Variants in HERC4 observed in about 807,000 individuals in gnomAD.
HERC4 encodes HECT and RLD domain containing E3 ubiquitin protein ligase 4, also known as probable E3 ubiquitin-protein ligase HERC4.
HERC4 carries 28 observed loss-of-function variants against 124.3 expected under a neutral mutation model. The observed-to-expected ratio is 0.23, with a 90% CI of 0.17 to 0.31. The LOEUF (loss-of-function observed/expected upper bound fraction) is 0.31. Ranked by LOEUF, HERC4 falls within the 10% of genes least tolerant of loss-of-function variation. The pLI, the probability that HERC4 is intolerant of heterozygous loss-of-function variation, is 1.00. For missense variants in HERC4, 713 were observed against 1,229.3 expected (o/e 0.58, Z 6.28); for synonymous variants, 407 against 421.5 (o/e 0.97, Z 0.42).
chr10:67,979,754 G>A (rs2035814499), intron 15 of HERC4, among the ~76,000 whole-genome samples: 1 of 152,100 alleles, frequency 6.6e-6, no homozygotes, highest in African/African-American at 2.4e-5. Context: ...AGCTAACACG[G>A]TGAAACCTCG....
rs190980455 is a variant in HERC4, at chr10:67,950,527, C to G, written c.2337+4068G>C. ...CTGACCTCAGGTGATCCAACCACCT[C>G]GGCCTCCCAAAGTGCTGGGATTACA... is the stretch of plus-strand genomic sequence containing the variant. On this transcript the variant is annotated intron_variant, in intron 19 of 24. Coordinates refer to ENST00000373700, the MANE Select transcript of HERC4 (RefSeq NM_015601.4). 1.7e-4 allele frequency among the ~76,000 whole-genome samples: 26 copies of G among 152,176 alleles called. 1 individual carries two copies. The highest frequency in any genetic ancestry group is 2.2e-4 in the Non-Finnish European group (15 of 68,000).
intron 15 of HERC4, among the ~76,000 whole-genome samples, chr10:67,976,317 A>G (rs924337148): frequency 7.9e-5 from 12 of 152,174 alleles, no homozygotes; most frequent in African/African-American, 2.9e-4. Flanking sequence ...CCTCTCCAAT[A>G]TTTATGTTTA....
At chr10:68,006,083 C>T (rs1272581943) in intron 9 of HERC4, among the ~76,000 whole-genome samples, 1 of 152,002 alleles carries the variant, frequency 6.6e-6, no homozygotes, top group Non-Finnish European at 1.5e-5. Context: ...TCATCTTTTC[C>T]CCTGCTCTTT....
Position 68,015,959 on chromosome 10 carries a change from T to C in HERC4, c.909-1773A>G, listed in dbSNP as rs375767131. ...CTCTATTAAAAATACAAAAATTAGC[T>C]GGGCACGGTGGCATGCGCCTGTAGT... On this transcript the variant is annotated intron_variant, in intron 8 of 24. Transcript: ENST00000373700. 1.2e-4 allele frequency among the ~76,000 whole-genome samples: 19 copies of C among 152,092 alleles called. No homozygotes were observed. The East Asian group carries it at 3.3e-3, about 26-fold the overall frequency.
In HERC4 at chr10:67,987,729, G is replaced by A. The variant is rs372873445; in HGVS notation, c.1806+934C>T. On this transcript the variant is annotated intron_variant, in intron 15 of 24. Coordinates refer to ENST00000373700, the MANE Select transcript of HERC4 (RefSeq NM_015601.4). Reference sequence around the variant, plus strand: ...TACTAAATACCAAAGAAAAAAGTAAGTCCAGAAAGTTAAGTAGTTGAGAAA... The same window carrying A: ...TACTAAATACCAAAGAAAAAAGTAAATCCAGAAAGTTAAGTAGTTGAGAAA... 1.1e-4 allele frequency among the ~76,000 whole-genome samples: 17 copies of A among 152,164 alleles called. No homozygotes were observed. The South Asian group carries it at 3.3e-3, about 30-fold the overall frequency.
intron 4 of HERC4, chr10:68,039,403 T>C: frequency 6.5e-7 from 1 of 1,549,442 alleles, no homozygotes; most frequent in Non-Finnish European, 8.7e-7. Flanking sequence ...CTTTACCTGA[T>C]ACTGTCACCT....
intron 16 of HERC4, among the ~76,000 whole-genome samples, chr10:67,963,741 G>A (rs2034674824): frequency 6.6e-6 from 1 of 152,192 alleles, no homozygotes; most frequent in Non-Finnish European, 1.5e-5. Flanking sequence ...GTTGGTGTGT[G>A]AGGGTTTATA....
intron 9 of HERC4, among the ~76,000 whole-genome samples, chr10:67,999,026 T>TG (rs1294314533): frequency 1.3e-5 from 2 of 152,190 alleles, no homozygotes; most frequent in African/African-American, 2.4e-5. Context: ...CCACTGTGCC[T>TG]GGCTCCCATG....
chr10:67,938,373 G>A (rs1177319448), intron 21 of HERC4, among the ~76,000 whole-genome samples: 3 of 149,850 alleles, frequency 2.0e-5, no homozygotes, highest in East Asian at 2.0e-4. Context: ...CCTGGGAGGC[G>A]GAGGTTGCAA....
At chr10:68,069,748 T>A in intron 3 of HERC4, 1 of 985,512 alleles carries the variant, frequency 1.0e-6, no homozygotes, top group Non-Finnish European at 1.2e-6. Context: ...AAGTTTAAAG[T>A]TCTTGTGAAG....
chr10:67,972,453 G>A (rs183328841), intron 15 of HERC4, among the ~76,000 whole-genome samples: 101 of 149,954 alleles, frequency 6.7e-4, no homozygotes, highest in African/African-American at 2.2e-3. Flanking sequence ...TCCGGGAGGC[G>A]GAGGTTGCGG....
intron 16 of HERC4, among the ~76,000 whole-genome samples, chr10:67,963,417 A>G (rs916078133): frequency 1.3e-5 from 2 of 152,230 alleles, no homozygotes; most frequent in South Asian, 2.1e-4. Flanking sequence ...GGGTTTCGCC[A>G]TATTGGCCAG....
intron 21 of HERC4, among the ~76,000 whole-genome samples, chr10:67,937,248 T>G (rs2032446626): frequency 6.6e-6 from 1 of 152,110 alleles, no homozygotes; most frequent in Admixed American, 6.5e-5. Context: ...TACTGTGTGA[T>G]ATGACAAAAC....
At chr10:68,052,226 G>A (rs532860754) in intron 3 of HERC4, among the ~76,000 whole-genome samples, 3 of 152,162 alleles carry the variant, frequency 2.0e-5, no homozygotes, top group East Asian at 1.9e-4. Context: ...TAACGACTTC[G>A]AATACATCTC....
intron 19 of HERC4, among the ~76,000 whole-genome samples, chr10:67,948,732 C>A (rs1020112059): frequency 6.6e-6 from 1 of 151,024 alleles, no homozygotes; most frequent in African/African-American, 2.4e-5. Flanking sequence ...ACCAGCCTGG[C>A]CAACATGCCA....
intron 19 of HERC4, among the ~76,000 whole-genome samples, chr10:67,942,733 AC>A (rs1277883219): frequency 2.0e-5 from 3 of 151,706 alleles, no homozygotes; most frequent in Non-Finnish European, 4.4e-5. Context: ...CTGGTCTCGA[AC>A]CCCTGACCTC....
intron 3 of HERC4, among the ~76,000 whole-genome samples, chr10:68,071,778 T>C (rs1361319776): frequency 1.3e-5 from 2 of 152,196 alleles, no homozygotes; most frequent in African/African-American, 2.4e-5. Flanking sequence ...ATTTTATGAA[T>C]GTCACTATCA....
At chr10:68,054,291 TTTC>T (rs2040447615) in intron 3 of HERC4, among the ~76,000 whole-genome samples, 1 of 152,200 alleles carries the variant, frequency 6.6e-6, no homozygotes, top group East Asian at 1.9e-4. Context: ...ATAATTTTTT[TTTC>T]TTTTCTTCTT....
chr10:68,065,230 C>G (rs1422737898), intron 3 of HERC4, among the ~76,000 whole-genome samples: 1 of 151,996 alleles, frequency 6.6e-6, no homozygotes, highest in East Asian at 1.9e-4. Flanking sequence ...ATAGTTTTTA[C>G]TTTCCTATGT....
Sources: gnomAD v4.1 joint callset for allele counts (sites outside exome capture counted in the v4.1 genomes callset) on GRCh38, gnomAD v4.1.1 for gene constraint, MANE v1.5 for transcripts, NCBI Gene and HGNC (gene_info 2026-07-23, HGNC 2026-07-21) for gene names.